TCTN2: variants seen among roughly 807,000 people sequenced by gnomAD.
TCTN2 encodes the protein tectonic-2.
TCTN2 carries 66 observed loss-of-function variants against 83.4 expected under a neutral mutation model. That is an observed-to-expected ratio of 0.79 (90% confidence interval 0.65 to 0.97). The LOEUF is 0.97. TCTN2 is among the 50% of genes least tolerant of loss of function. The pLI is 0.00. For synonymous variants in TCTN2, 301 were observed against 326.7 expected (o/e 0.92, Z 0.85); for missense variants, 794 against 858.1 (o/e 0.93, Z 0.93).
At chr12:123,679,321 AT>A in intron 5 of TCTN2, 32 bp downstream of exon 5, 1 of 1,581,872 alleles carries the variant, frequency 6.3e-7, no homozygotes, top group Non-Finnish European at 8.7e-7. Context: ...CACAAAAGTT[AT>A]GCTACCTGTG....
Position 123,708,007 on chromosome 12 carries a change from CTTT to C in TCTN2, c.*315_*317del, listed in dbSNP as rs983291114. The C allele has an allele frequency of 0.022, 4,688 of 210,486 alleles. No individual in the cohort carries two copies. Among genetic ancestry groups the C allele is most frequent in the Middle Eastern group, 0.048 (27 of 562 alleles). The allele number at this position is 210,486 out of a possible 1,614,324, so 13.0% of individuals were successfully genotyped here. A position where few individuals can be genotyped will look rare whatever the true frequency, so the allele number is the denominator to read the frequency against. Reference sequence around the variant, plus strand: ...ACAGGCATGAGCCACCGCACCCGGCCTTTTTTTTTTTTTTTTTTTTTTTGAGGC... The same window carrying C: ...ACAGGCATGAGCCACCGCACCCGGCCTTTTTTTTTTTTTTTTTTTTGAGGC... On this transcript the variant is annotated 3_prime_UTR_variant, in exon 18 of 18. Transcript: ENST00000303372.
rs925985074 is a variant in TCTN2 at position 123,704,780 on chromosome 12, A to G, written c.1769+92A>G. ...TAGGGAAATGTTTATTTAGAAACTG[A>G]TTGTTTATTTACAACTTGCAATTAT... On this transcript the variant is annotated intron_variant, in intron 15 of 17. Coordinates refer to ENST00000303372, the MANE Select transcript of TCTN2 (RefSeq NM_024809.5). The G allele has an allele frequency of 2.4e-5, 34 of 1,413,676 alleles. No homozygotes were observed. The African/African-American group carries it at 3.8e-4, about 16-fold the overall frequency. 87.6% of individuals were successfully genotyped at this position (1,413,676 alleles called of 1,614,324 possible). A position where few individuals can be genotyped will look rare whatever the true frequency, so the allele number is the denominator to read the frequency against.
At chr12:123,675,745 A>G (rs1955812417) in intron 4 of TCTN2, among the ~76,000 whole-genome samples, 1 of 152,226 alleles carries the variant, frequency 6.6e-6, no homozygotes, top group South Asian at 2.1e-4. Flanking sequence ...TGTGCTACCA[A>G]GTTGGAGGAT....
In TCTN2 at chr12:123,686,848, A is replaced by G. The variant is rs370944870; in HGVS notation, c.577A>G (p.Asn193Asp). 2.5e-6 allele frequency: 4 copies of G among 1,614,168 alleles called. No homozygotes were observed. The highest frequency in any genetic ancestry group is 2.5e-6 in the Non-Finnish European group (3 of 1,180,036). The change falls in exon 6 of 18, where the codon AAT (asparagine) becomes GAT (aspartate). Residue 193 changes from asparagine (N) to aspartate (D), a missense_variant. Asn to Asp is a conservative substitution (Grantham distance 23, BLOSUM62 1). Coordinates refer to ENST00000303372, the MANE Select transcript of TCTN2 (RefSeq NM_024809.5). Reference sequence around the variant, plus strand: ...GTTTGTCTTCCAGGAATGCTCATCAAATTTAACAACGCTGTTCAGACGGTC... The same window carrying G: ...GTTTGTCTTCCAGGAATGCTCATCAGATTTAACAACGCTGTTCAGACGGTC... ...RCCCDQECSSNLTTLFRRSCF... is the reference protein window; with the variant it reads ...RCCCDQECSSDLTTLFRRSCF...
chr12:123,704,878 A>G (rs934195660), intron 15 of TCTN2, among the ~76,000 whole-genome samples, 190 bp downstream of exon 15: 7 of 152,206 alleles, frequency 4.6e-5, no homozygotes, highest in African/African-American at 1.7e-4. Context: ...TCTCACAAGT[A>G]TTTATAAAGC....
intron 7 of TCTN2, among the ~76,000 whole-genome samples, chr12:123,690,125 T>C (rs571604921): frequency 6.6e-6 from 1 of 152,234 alleles, no homozygotes; most frequent in Non-Finnish European, 1.5e-5. Flanking sequence ...AGTTCAACAT[T>C]ATGAGGAGTG....
chr12:123,683,364 T>A (rs1455543082), intron 5 of TCTN2, among the ~76,000 whole-genome samples: 2 of 151,802 alleles, frequency 1.3e-5, no homozygotes, highest in African/African-American at 4.8e-5. Flanking sequence ...CACTGCAACC[T>A]CTGCCTCCTG....
chr12:123,694,783 G>A (rs2135846490), intron 9 of TCTN2, 59 bp from the exon 10 acceptor site: 2 of 1,589,052 alleles, frequency 1.3e-6, no homozygotes, highest in Non-Finnish European at 1.7e-6. Context: ...GAACCTCCCA[G>A]TAACAGAGTC....
chr12:123,687,588 C>G (rs545559680), intron 6 of TCTN2, among the ~76,000 whole-genome samples: 2 of 152,036 alleles, frequency 1.3e-5, no homozygotes, highest in East Asian at 1.9e-4. Flanking sequence ...ACCCGGGCGG[C>G]GGAGCTTGAG....
At chr12:123,676,916 G>T (rs1010154399) in intron 4 of TCTN2, among the ~76,000 whole-genome samples, 1 of 152,150 alleles carries the variant, frequency 6.6e-6, no homozygotes, top group African/African-American at 2.4e-5. Context: ...CATGTACTAT[G>T]CCTGTAATTC....
chr12:123,700,720 C>A lies in TCTN2; in HGVS notation c.1612+910C>A, dbSNP rs187948565. Among the ~76,000 whole-genome samples, 737 of 152,286 alleles carry A rather than the reference C, an allele frequency of 4.8e-3. 4 individuals carry two copies. The highest frequency in any genetic ancestry group is 7.6e-3 in the Admixed American group (116 of 15,296). On this transcript the variant is annotated intron_variant, in intron 14 of 17. Transcript: ENST00000303372. ...TGCTGGGATTATAGGCGTTAGCCACCGTGCCAGGCCGAGGCCAGGAGTTTA... is the reference window on the plus strand; with the variant it reads ...TGCTGGGATTATAGGCGTTAGCCACAGTGCCAGGCCGAGGCCAGGAGTTTA...
chr12:123,688,286 G>GCTCA, intron 7 of TCTN2, 109 bp downstream of exon 7: 1 of 1,387,740 alleles, frequency 7.2e-7, no homozygotes, highest in Non-Finnish European at 9.8e-7. Context: ...CCAGATCTCG[G>GCTCA]CTCACTGCAA....
At chr12:123,699,963 G>A in intron 14 of TCTN2, 153 bp downstream of exon 14, 1 of 703,186 alleles carries the variant, frequency 1.4e-6, no homozygotes, top group South Asian at 1.5e-5. Flanking sequence ...TCTCCAGGCA[G>A]GAAACTTGGC....
Position 123,686,972 on chromosome 12 carries a change from TTCTG to T in TCTN2, c.703_706del (p.Leu235ValfsTer51). On this transcript the variant is annotated frameshift_variant, in exon 6 of 18. Transcript: ENST00000303372. LOFTEE classifies it high-confidence loss of function. ...CGTGGTGTCCCCGATTGGTTTCCCT[TTCTG>T]TGTGTGCAGTCCCCCCTTGCCAACA... is the stretch of plus-strand genomic sequence containing the variant. 1 of 1,614,154 alleles carries T rather than the reference TTCTG, an allele frequency of 6.2e-7. No individual in the cohort carries two copies. Among genetic ancestry groups the T allele is most frequent in the Non-Finnish European group, 8.5e-7 (1 of 1,180,030 alleles).
intron 9 of TCTN2, among the ~76,000 whole-genome samples, chr12:123,693,376 C>CTT (rs373196834): frequency 0.01 from 969 of 92,902 alleles, 14 homozygotes; most frequent in African/African-American, 0.013. Context: ...GCTTTCTTTC[C>CTT]TTTTTTTTTT....
intron 4 of TCTN2, among the ~76,000 whole-genome samples, chr12:123,674,548 G>A (rs1203890176): frequency 2.0e-5 from 3 of 152,174 alleles, no homozygotes; most frequent in Non-Finnish European, 2.9e-5. Flanking sequence ...GATTACAGGC[G>A]TGAGCCACTG....
chr12:123,673,676 C>A lies in TCTN2; in HGVS notation c.329C>A (p.Thr110Lys). ...RGLDWCSSNETDSFSESPCIL... is the reference protein window; with the variant it reads ...RGLDWCSSNEKDSFSESPCIL... ...CTGGACTGGTGTTCCTCCAATGAGA[C>A]AGATTCCTTCTCAGAGTCCCCCTGT... The change falls in exon 4 of 18, where the codon ACA becomes AAA. Residue 110 changes from threonine to lysine, a missense_variant. By Grantham distance (78) the Thr-to-Lys change is moderately conservative. Transcript: ENST00000303372. The A allele has an allele frequency of 6.2e-7, 1 of 1,614,210 alleles. No individual in the cohort carries two copies. Among genetic ancestry groups the A allele is most frequent in the African/African-American group, 1.3e-5 (1 of 75,040 alleles).
intron 13 of TCTN2, among the ~76,000 whole-genome samples, chr12:123,698,807 G>A (rs924114811): frequency 2.0e-5 from 3 of 151,996 alleles, no homozygotes; most frequent in Admixed American, 6.6e-5. Flanking sequence ...GAAGAAATGG[G>A]GGTAACATTG....
chr12:123,689,799 T>A (rs1003960930), intron 7 of TCTN2, among the ~76,000 whole-genome samples: 1 of 152,182 alleles, frequency 6.6e-6, no homozygotes, highest in Non-Finnish European at 1.5e-5. Flanking sequence ...TATCTATATA[T>A]GAATGCACAA....
Sources: gnomAD v4.1 joint callset for allele counts (sites outside exome capture counted in the v4.1 genomes callset) on GRCh38, gnomAD v4.1.1 for gene constraint, MANE v1.5 for transcripts, NCBI Gene and HGNC (gene_info 2026-07-23, HGNC 2026-07-21) for gene names.